The following LRP1B variants were observed in gnomAD, a reference collection of about 807,000 sequenced individuals.
LRP1B encodes LDL receptor related protein 1B.
In LRP1B, 217 loss-of-function variants were observed where a neutral mutation model predicts 556.6. The ratio of observed to expected loss-of-function variants is 0.39; its 90% CI spans 0.35 to 0.44. The LOEUF is 0.44. Among genes scored for constraint, LRP1B ranks in the 20% least tolerant of loss-of-function variants. LRP1B has a pLI of 1.00. For synonymous variants in LRP1B, 2,047 were observed against 1,865.8 expected, an observed-to-expected ratio of 1.10 and a Z score of -2.50; for missense variants, 5,053 against 5,620.8, an observed-to-expected ratio of 0.90 and a Z score of 3.23.
chr2:140,419,202 C>T (rs1007522192), intron 66 of LRP1B, among the ~76,000 whole-genome samples: 1 of 152,072 alleles, frequency 6.6e-6, no homozygotes, highest in Non-Finnish European at 1.5e-5. Flanking sequence ...AGAATATCAC[C>T]AGATATAAAG....
rs1383054122 is a variant in LRP1B at position 141,993,773 on chromosome 2, C to T, written c.82+136875G>A. 2.6e-5 allele frequency among the ~76,000 whole-genome samples: 4 copies of T among 152,200 alleles called. No individual in the cohort carries two copies. The East Asian group carries it at 7.7e-4, about 29-fold the overall frequency. ...TCCTTGCCTTCTGTAACAAAGGCAA[C>T]TGAATATAATTTAACTTTTTTTGAT... On this transcript the variant is annotated intron_variant, in intron 1 of 90. Transcript: ENST00000389484.
chr2:140,330,233 A>G (rs1451836304), intron 79 of LRP1B, among the ~76,000 whole-genome samples: 3 of 141,750 alleles, frequency 2.1e-5, no homozygotes, highest in African/African-American at 7.8e-5. Context: ...TAATAATAAT[A>G]ATAATAATAT....
chr2:140,495,222 A>G (rs1356205616), intron 56 of LRP1B, among the ~76,000 whole-genome samples: 2 of 152,066 alleles, frequency 1.3e-5, no homozygotes, highest in Non-Finnish European at 2.9e-5. Flanking sequence ...GAAAAATATT[A>G]TAATAATGTC....
At chr2:141,832,869 C>A (rs183773563) in intron 1 of LRP1B, among the ~76,000 whole-genome samples, 2 of 151,904 alleles carry the variant, frequency 1.3e-5, no homozygotes, top group East Asian at 3.9e-4. Context: ...CAGGTATATT[C>A]TAAAAGTTGT....
At chr2:141,091,587 G>A (rs969045128) in intron 7 of LRP1B, among the ~76,000 whole-genome samples, 13 of 152,134 alleles carry the variant, frequency 8.5e-5, no homozygotes, top group African/African-American at 3.1e-4. Context: ...AGTGACTGTG[G>A]GTGTGTCTGA....
intron 2 of LRP1B, among the ~76,000 whole-genome samples, chr2:141,588,118 G>T (rs1687204214): frequency 6.6e-6 from 1 of 152,068 alleles, no homozygotes; most frequent in Non-Finnish European, 1.5e-5. Context: ...TTTGTTTATG[G>T]AGAACCAAAA....
intron 1 of LRP1B, among the ~76,000 whole-genome samples, chr2:141,997,413 ATATG>A (rs1472059679): frequency 1.5e-3 from 31 of 21,032 alleles, no homozygotes; most frequent in Non-Finnish European, 1.9e-3. Flanking sequence ...ATAAATGTAT[ATATG>A]TGTGTGTGTG....
chr2:141,940,128 T>A (rs1700753598), intron 1 of LRP1B, among the ~76,000 whole-genome samples: 1 of 152,072 alleles, frequency 6.6e-6, no homozygotes, highest in Non-Finnish European at 1.5e-5. Flanking sequence ...CTACAATGAT[T>A]AGTGACAGAG....
At chr2:141,104,370 TAGAA>T (rs1206554849) in intron 7 of LRP1B, among the ~76,000 whole-genome samples, 1 of 152,086 alleles carries the variant, frequency 6.6e-6, no homozygotes, top group African/African-American at 2.4e-5. Context: ...GTAAATTTCT[TAGAA>T]AGACTTTGGA....
chr2:140,238,753 G>A (rs1414384132), intron 88 of LRP1B, among the ~76,000 whole-genome samples: 2 of 150,748 alleles, frequency 1.3e-5, no homozygotes, highest in Admixed American at 1.3e-4. Flanking sequence ...TAGTGTTGAA[G>A]CCTGGGCTTT....
At chr2:140,484,491 A>ACTGTGAAT (rs1205151000) in intron 59 of LRP1B, among the ~76,000 whole-genome samples, 2 of 152,190 alleles carry the variant, frequency 1.3e-5, no homozygotes, top group African/African-American at 4.8e-5. Context: ...AACACTTGCT[A>ACTGTGAAT]CTGTGAATGT....
At chr2:140,333,438 T>TA (rs964401442) in intron 79 of LRP1B, among the ~76,000 whole-genome samples, 3 of 152,060 alleles carry the variant, frequency 2.0e-5, no homozygotes, top group African/African-American at 7.2e-5. Flanking sequence ...TGGCACATGG[T>TA]AGACATTCAA....
At chr2:140,608,953 G>A (rs1343147566) in intron 41 of LRP1B, among the ~76,000 whole-genome samples, 2 of 152,124 alleles carry the variant, frequency 1.3e-5, no homozygotes, top group Non-Finnish European at 1.5e-5. Context: ...ACTCAGACAT[G>A]TCTCAAGAAT....
In LRP1B at chr2:140,640,456, C is replaced by T. The variant is rs540854039; in HGVS notation, c.6800-38817G>A. Among the ~76,000 whole-genome samples the T allele has an allele frequency of 6.5e-5, 7 of 107,630 alleles. No individual in the cohort carries two copies. The South Asian group carries it at 1.7e-3, about 26-fold the overall frequency. 70.6% of individuals were successfully genotyped at this position (107,630 alleles called of 152,430 possible). On this transcript the variant is annotated intron_variant, in intron 41 of 90. Coordinates refer to ENST00000389484, the MANE Select transcript of LRP1B (RefSeq NM_018557.3). Reference sequence around the variant, plus strand: ...TGTCGCCCAGGCTGGAGTGCAGTGGCGCGATCTCGGCTCACTGCAAGCTCC... The same window carrying T: ...TGTCGCCCAGGCTGGAGTGCAGTGGTGCGATCTCGGCTCACTGCAAGCTCC...
At chr2:140,532,296 T>A (rs1024766346) in intron 47 of LRP1B, among the ~76,000 whole-genome samples, 2 of 152,154 alleles carry the variant, frequency 1.3e-5, no homozygotes, top group African/African-American at 4.8e-5. Flanking sequence ...TTCTAGTGAC[T>A]ACAAGAAAAA....
Position 140,442,493 on chromosome 2 carries a change from C to G in LRP1B, c.10414+11G>C. ...TACGGAGAGATAAGACCCAGAGTCACAGACACTCACCGCAGTTGGCCTCGT... is the reference window on the plus strand; with the variant it reads ...TACGGAGAGATAAGACCCAGAGTCAGAGACACTCACCGCAGTTGGCCTCGT... On this transcript the variant is annotated intron_variant, in intron 66 of 90. Coordinates refer to ENST00000389484, the MANE Select transcript of LRP1B (RefSeq NM_018557.3). The G allele has an allele frequency of 1.2e-6, 2 of 1,609,704 alleles. No individual in the cohort carries two copies. The highest frequency in any genetic ancestry group is 2.2e-5 in the South Asian group (2 of 90,346).
intron 3 of LRP1B, among the ~76,000 whole-genome samples, chr2:141,427,207 T>A (rs912844423): frequency 1.3e-5 from 2 of 152,230 alleles, no homozygotes; most frequent in Non-Finnish European, 1.5e-5. Context: ...TCTGACTTGA[T>A]TTTTAACTTT....
At chr2:140,327,388 G>T (rs1456008481) in intron 79 of LRP1B, among the ~76,000 whole-genome samples, 2 of 152,054 alleles carry the variant, frequency 1.3e-5, no homozygotes, top group African/African-American at 2.4e-5. Flanking sequence ...TGCCTGACCA[G>T]ATCCTGAGAA....
chr2:140,436,471 A>C (rs765500972), intron 66 of LRP1B, among the ~76,000 whole-genome samples: 1 of 152,192 alleles, frequency 6.6e-6, no homozygotes, highest in Non-Finnish European at 1.5e-5. Flanking sequence ...CCTGAGAAAT[A>C]GTGATTCCAC....
Sources: allele counts gnomAD v4.1 joint callset (sites outside exome capture counted in the v4.1 genomes callset), GRCh38; gene constraint gnomAD v4.1.1; transcripts MANE v1.5; gene names NCBI Gene and HGNC (gene_info 2026-07-23, HGNC 2026-07-21).